Variants in C10orf67 observed in about 807,000 individuals in gnomAD.
C10orf67 encodes chromosome 10 open reading frame 67.
C10orf67 carries 60 observed loss-of-function variants against 35.6 expected under a neutral mutation model. The ratio of observed to expected loss-of-function variants is 1.68; its 90% confidence interval spans 1.37 to 2.09. The LOEUF (loss-of-function observed/expected upper bound fraction) is 2.09. C10orf67 is among the 30% of genes most tolerant of loss of function. The pLI, the probability that C10orf67 is intolerant of heterozygous loss-of-function variation, is 0.00. For missense variants in C10orf67, 474 were observed against 330.2 expected (o/e 1.44, Z -3.38); for synonymous variants, 167 against 115.8 (o/e 1.44, Z -2.84).
intron 1 of C10orf67, chr10:23,343,899 T>C (rs1290948168): frequency 1.3e-5 from 6 of 464,432 alleles, no homozygotes; most frequent in Non-Finnish European, 2.7e-5. Flanking sequence ...CCTCTCCCGC[T>C]GGTCACCTGG....
chr10:23,320,920 C>T (rs922010625), intron 3 of C10orf67, 105 bp from the exon 4 acceptor site: 1 of 737,248 alleles, frequency 1.4e-6, no homozygotes. Context: ...TGAATCATCA[C>T]AATCTATTGA....
chr10:23,257,821 A>T (rs1842643992), intron 10 of C10orf67, among the ~76,000 whole-genome samples: 2 of 151,334 alleles, frequency 1.3e-5, no homozygotes, highest in Non-Finnish European at 2.9e-5. Flanking sequence ...TAAATAAAAG[A>T]CTGTGGTCTA....
In C10orf67 at chr10:23,344,697, G is replaced by A. The variant is rs752962550; in HGVS notation, c.78C>T (p.Ser26=). Residue 26 remains serine, a synonymous_variant, in exon 1 of 16, where the codon TCC becomes TCT. Coordinates refer to ENST00000636213, the MANE Select transcript of C10orf67 (RefSeq NM_001371909.1). ...AGCGTGTGCCAAAGGTCCCCCTCAAGGAGGAGGAAAAGCAGTGAACCCATC... is the reference window on the plus strand; with the variant it reads ...AGCGTGTGCCAAAGGTCCCCCTCAAAGAGGAGGAAAAGCAGTGAACCCATC... ...VIRWVHCFSS[S]LRGTFGTRWE... is the part of the protein sequence containing the mutation. 4 of 1,575,666 alleles carry A rather than the reference G, an allele frequency of 2.5e-6. No homozygotes were observed. The highest frequency in any genetic ancestry group is 3.4e-6 in the Non-Finnish European group (4 of 1,160,982).
intron 2 of C10orf67, among the ~76,000 whole-genome samples, chr10:23,328,993 C>CAAAAAAAAAAAAAAAAAAAAAAAAAA (rs57772405): frequency 1.1e-4 from 9 of 78,734 alleles, no homozygotes; most frequent in South Asian, 4.7e-4. Flanking sequence ...CATAAACGAA[C>CAAAAAAAAAAAAAAAAAAAAAAAAAA]AAAAAAAAAA....
chr10:23,259,917 A>C (rs1441276181), intron 10 of C10orf67, among the ~76,000 whole-genome samples: 1 of 152,210 alleles, frequency 6.6e-6, no homozygotes, highest in Non-Finnish European at 1.5e-5. Context: ...TGAGCATGTA[A>C]GAGTTGTGGA....
intron 13 of C10orf67, among the ~76,000 whole-genome samples, chr10:23,238,602 A>T (rs948057517): frequency 1.3e-5 from 2 of 152,244 alleles, no homozygotes; most frequent in Admixed American, 1.3e-4. Flanking sequence ...GGATAATTCA[A>T]ATTTGGACTA....
At chr10:23,212,732 G>C (rs1841338980) in intron 15 of C10orf67, among the ~76,000 whole-genome samples, 1 of 149,866 alleles carries the variant, frequency 6.7e-6, no homozygotes, top group South Asian at 2.2e-4. Flanking sequence ...GGGAGTGAGA[G>C]AGGCACAAGA....
chr10:23,260,359 A>C (rs966024332), intron 10 of C10orf67, among the ~76,000 whole-genome samples: 1 of 152,092 alleles, frequency 6.6e-6, no homozygotes, highest in Non-Finnish European at 1.5e-5. Flanking sequence ...AAACTAAGAG[A>C]ATTCATTGCC....
chr10:23,260,897 A>G (rs1360479335), intron 10 of C10orf67, among the ~76,000 whole-genome samples: 1 of 152,240 alleles, frequency 6.6e-6, no homozygotes, highest in African/African-American at 2.4e-5. Context: ...TTTAATACAA[A>G]AAGACCTTTC....
At chr10:23,230,777 A>T (rs928236335) in intron 13 of C10orf67, among the ~76,000 whole-genome samples, 7 of 152,214 alleles carry the variant, frequency 4.6e-5, no homozygotes, top group African/African-American at 1.7e-4. Context: ...CAAAACCATG[A>T]GTAAGCATTA....
At chr10:23,253,457 A>C (rs931424625) in intron 10 of C10orf67, among the ~76,000 whole-genome samples, 1 of 152,192 alleles carries the variant, frequency 6.6e-6, no homozygotes, top group East Asian at 1.9e-4. Context: ...CAGTAGTCCA[A>C]GGAAATCACC....
Position 23,216,264 on chromosome 10 carries a change from G to T in C10orf67, c.1570+7334C>A, listed in dbSNP as rs1331304249. Among the ~76,000 whole-genome samples, 5 of 151,968 alleles carry T rather than the reference G, an allele frequency of 3.3e-5. No homozygotes were observed. The South Asian group carries it at 6.2e-4, about 19-fold the overall frequency. On this transcript the variant is annotated intron_variant, in intron 15 of 15. Transcript: ENST00000636213. Reference sequence around the variant, plus strand: ...CTAAAATGGTTAATAAACATATAAAGAATTATTCTTATTAGTTATCAGGGA... The same window carrying T: ...CTAAAATGGTTAATAAACATATAAATAATTATTCTTATTAGTTATCAGGGA...
chr10:23,223,222 T>C (rs1841633954), intron 15 of C10orf67, among the ~76,000 whole-genome samples: 1 of 152,094 alleles, frequency 6.6e-6, no homozygotes, highest in African/African-American at 2.4e-5. Context: ...TACAGGTTCA[T>C]GCCACCATGC....
At chr10:23,315,448 G>GTTTT (rs1240288433) in intron 4 of C10orf67, among the ~76,000 whole-genome samples, 4 of 152,150 alleles carry the variant, frequency 2.6e-5, no homozygotes, top group African/African-American at 9.7e-5. Flanking sequence ...TTGTTTGTTT[G>GTTTT]TTTGTTTTGA....
At chr10:23,267,440 T>C (rs1842913960) in intron 8 of C10orf67, among the ~76,000 whole-genome samples, 186 bp from the exon 9 acceptor site, 3 of 152,172 alleles carry the variant, frequency 2.0e-5, no homozygotes, top group Non-Finnish European at 4.4e-5. Flanking sequence ...AGAACTTTTA[T>C]TAAAAAAGTG....
At chr10:23,284,804 G>T (rs1843484563) in intron 7 of C10orf67, among the ~76,000 whole-genome samples, 1 of 152,174 alleles carries the variant, frequency 6.6e-6, no homozygotes, top group African/African-American at 2.4e-5. Flanking sequence ...AGGTTTTCTA[G>T]AATCTTCCAG....
chr10:23,307,896 G>T (rs1226545790), intron 4 of C10orf67, among the ~76,000 whole-genome samples: 1 of 152,126 alleles, frequency 6.6e-6, no homozygotes, highest in East Asian at 1.9e-4. Context: ...TGGGACTACA[G>T]AGCCACCGCT....
At chr10:23,309,693 G>A (rs1428292398) in intron 4 of C10orf67, among the ~76,000 whole-genome samples, 1 of 152,114 alleles carries the variant, frequency 6.6e-6, no homozygotes, top group East Asian at 1.9e-4. Context: ...AAGTGCCCTG[G>A]GAAACTCATT....
At chr10:23,285,936 T>C (rs1432361335) in intron 7 of C10orf67, among the ~76,000 whole-genome samples, 1 of 152,228 alleles carries the variant, frequency 6.6e-6, no homozygotes, top group African/African-American at 2.4e-5. Flanking sequence ...TTAACTGATA[T>C]ATTTAAACTC....
Sources: allele counts gnomAD v4.1 joint callset (sites outside exome capture counted in the v4.1 genomes callset), GRCh38; gene constraint gnomAD v4.1.1; transcripts MANE v1.5; gene names NCBI Gene and HGNC (gene_info 2026-07-23, HGNC 2026-07-21).